Variants in STXBP4 observed in about 807,000 individuals in gnomAD.
The protein encoded by STXBP4 is syntaxin binding protein 4, also known as syntaxin-binding protein 4.
STXBP4 carries 55 observed loss-of-function variants against 76.1 expected under a neutral mutation model. The ratio of observed to expected loss-of-function variants is 0.72; its 90% CI spans 0.58 to 0.91. The LOEUF (loss-of-function observed/expected upper bound fraction) is 0.91. Among genes scored for constraint, STXBP4 ranks in the 40% least tolerant of loss-of-function variants. The pLI, the probability that STXBP4 is intolerant of heterozygous loss-of-function variation, is 0.00. For missense variants in STXBP4, 618 were observed against 636.9 expected, an observed-to-expected ratio of 0.97 and a Z score of 0.32; for synonymous variants, 201 against 220.2, an observed-to-expected ratio of 0.91 and a Z score of 0.77.
At chr17:55,030,917 T>C (rs2078495929) in intron 8 of STXBP4, 2 of 344,906 alleles carry the variant, frequency 5.8e-6, no homozygotes, top group Middle Eastern at 8.2e-4. Context: ...GATTTTTGGT[T>C]CTAGGACAAT....
At chr17:55,049,998 A>G (rs773320967) in intron 12 of STXBP4, among the ~76,000 whole-genome samples, 5 of 152,256 alleles carry the variant, frequency 3.3e-5, no homozygotes, top group Admixed American at 1.3e-4. Flanking sequence ...AATTCTTTTC[A>G]TGAAGCAAGT....
intron 16 of STXBP4, among the ~76,000 whole-genome samples, chr17:55,097,720 C>T (rs917851657): frequency 6.6e-6 from 1 of 151,912 alleles, no homozygotes; most frequent in Non-Finnish European, 1.5e-5. Flanking sequence ...AATTAGTTCA[C>T]ACCCTAATTC....
chr17:55,157,373 A>G (rs2080290770), intron 17 of STXBP4, among the ~76,000 whole-genome samples: 2 of 152,190 alleles, frequency 1.3e-5, no homozygotes, highest in South Asian at 2.1e-4. Flanking sequence ...GTATTTCTTT[A>G]AAACCACTTT....
chr17:55,007,137 AGACC>A (rs1345252778), intron 7 of STXBP4, among the ~76,000 whole-genome samples: 1 of 152,100 alleles, frequency 6.6e-6, no homozygotes, highest in Non-Finnish European at 1.5e-5. Context: ...CAGGAGTTCA[AGACC>A]AGCCTGGCCA....
chr17:55,201,405 C>G, the STXBP4 span, among the ~76,000 whole-genome samples: 1 of 146,512 alleles, frequency 6.8e-6, no homozygotes, highest in Admixed American at 7.0e-5. Flanking sequence ...GAGAGGAAAG[C>G]AGGGGAGAGG....
At chr17:55,199,425 A>G in the STXBP4 span, among the ~76,000 whole-genome samples, 1 of 152,228 alleles carries the variant, frequency 6.6e-6, no homozygotes, top group Non-Finnish European at 1.5e-5. Flanking sequence ...GGTTCATTAT[A>G]TGCATGCTTT....
rs141247359 is a variant in STXBP4 at position 55,018,130 on chromosome 17, GGTGA to G, written c.666+10537_666+10540del. Among the ~76,000 whole-genome samples, 480 of 152,262 alleles carry G rather than the reference GGTGA, an allele frequency of 3.2e-3. 12 individuals are homozygous for G. The highest frequency in any genetic ancestry group is 0.025 in the East Asian group (130 of 5,156). ...CAAGGAATGGAATCTTGAGCCATGT[GGTGA>G]GTGTTAGAGCTCTATTAGAAGCCGT... On this transcript the variant is annotated intron_variant, in intron 8 of 17. Coordinates refer to ENST00000376352, the MANE Select transcript of STXBP4 (RefSeq NM_178509.6).
At chr17:55,107,264 G>T (rs575756057) in intron 16 of STXBP4, among the ~76,000 whole-genome samples, 1 of 152,010 alleles carries the variant, frequency 6.6e-6, no homozygotes, top group African/African-American at 2.4e-5. Context: ...TGAAGTTCTC[G>T]TGCTGTGTTT....
intron 16 of STXBP4, among the ~76,000 whole-genome samples, chr17:55,117,153 T>G (rs1257535057): frequency 6.6e-6 from 1 of 151,814 alleles, no homozygotes; most frequent in Non-Finnish European, 1.5e-5. Flanking sequence ...AGGCAAAAAC[T>G]GTGACTCTGA....
At chr17:55,137,173 T>G (rs938574518) in intron 16 of STXBP4, among the ~76,000 whole-genome samples, 1 of 152,156 alleles carries the variant, frequency 6.6e-6, no homozygotes, top group Non-Finnish European at 1.5e-5. Flanking sequence ...ATTTTCTGAC[T>G]GCAAATCAAG....
At chr17:55,200,184 AGAGT>A in the STXBP4 span, among the ~76,000 whole-genome samples, 1 of 152,230 alleles carries the variant, frequency 6.6e-6, no homozygotes, top group East Asian at 1.9e-4. Flanking sequence ...TTTGTTCATC[AGAGT>A]ATTTCCACTG....
chr17:55,203,978 G>A, the STXBP4 span, among the ~76,000 whole-genome samples: 1 of 152,024 alleles, frequency 6.6e-6, no homozygotes, highest in African/African-American at 2.4e-5. Context: ...TCTTGAAAAT[G>A]TGATTTGATT....
chr17:55,007,659 T>G (rs1046390792), intron 8 of STXBP4, 62 bp downstream of exon 8: 3 of 1,320,042 alleles, frequency 2.3e-6, no homozygotes, highest in South Asian at 1.3e-5. Flanking sequence ...AGTATTCTCC[T>G]TCTTTGAGAG....
At chr17:55,071,574 T>C (rs775319011) in intron 12 of STXBP4, among the ~76,000 whole-genome samples, 8 of 152,188 alleles carry the variant, frequency 5.3e-5, no homozygotes, top group Non-Finnish European at 1.0e-4. Context: ...TGATTTACTG[T>C]CTATCTCCCC....
intron 16 of STXBP4, among the ~76,000 whole-genome samples, chr17:55,100,767 C>T (rs2079553553): frequency 6.6e-6 from 1 of 152,136 alleles, no homozygotes; most frequent in Admixed American, 6.5e-5. Flanking sequence ...ATGTTTGAGA[C>T]CTGTGATTTG....
At chr17:55,185,185 TC>T in the STXBP4 span, among the ~76,000 whole-genome samples, 1 of 144,138 alleles carries the variant, frequency 6.9e-6, no homozygotes, top group East Asian at 2.1e-4. Context: ...TTCTTCTTCT[TC>T]TTTTTCTTCT....
chr17:55,190,855 G>A, the STXBP4 span, among the ~76,000 whole-genome samples: 8 of 152,218 alleles, frequency 5.3e-5, no homozygotes, highest in East Asian at 3.9e-4. Flanking sequence ...AGAAATTAAC[G>A]TGTTCAAAAA....
chr17:55,045,273 G>A (rs2078770050), intron 11 of STXBP4, among the ~76,000 whole-genome samples: 1 of 151,738 alleles, frequency 6.6e-6, no homozygotes, highest in East Asian at 1.9e-4. Flanking sequence ...ACATTTTTTA[G>A]TGCAACAATT....
At chr17:55,189,960 G>C in the STXBP4 span, among the ~76,000 whole-genome samples, 4 of 152,160 alleles carry the variant, frequency 2.6e-5, no homozygotes, top group East Asian at 7.7e-4. Flanking sequence ...ATTGTTGAAA[G>C]TAGGCAGTTC....
Sources: gnomAD v4.1 joint callset for allele counts (sites outside exome capture counted in the v4.1 genomes callset) on GRCh38, gnomAD v4.1.1 for gene constraint, MANE v1.5 for transcripts, NCBI Gene and HGNC (gene_info 2026-07-23, HGNC 2026-07-21) for gene names.